The following ADAP1 variants were observed in gnomAD, a reference collection of about 807,000 sequenced individuals.
The protein encoded by ADAP1 is ArfGAP with dual PH domains 1, also known as arf-GAP with dual PH domain-containing protein 1.
Under a neutral mutation model 54.9 loss-of-function variants are expected in ADAP1, and 31 were observed. That is an observed-to-expected ratio of 0.56 (90% CI 0.42 to 0.76). The LOEUF is 0.76. Ranked by LOEUF, ADAP1 falls within the 30% of genes least tolerant of loss-of-function variation. ADAP1 has a pLI of 0.00. For missense variants in ADAP1, 535 were observed against 512.4 expected (o/e 1.04, Z -0.42); for synonymous variants, 313 against 202.6 (o/e 1.55, Z -4.63).
chr7:912,253 G>T (rs532630984), intron 4 of ADAP1, among the ~76,000 whole-genome samples: 3 of 152,138 alleles, frequency 2.0e-5, no homozygotes, highest in Non-Finnish European at 2.9e-5. Flanking sequence ...GCGTCTCAGC[G>T]AGACCAGGGC....
intron 4 of ADAP1, 191 bp from the exon 5 acceptor site, chr7:905,363 A>AGGGAAAGGAGAAAGGGAAAG (rs1845094244): frequency 7.4e-6 from 1 of 135,150 alleles, no homozygotes; most frequent in Non-Finnish European, 1.3e-5. Flanking sequence ...GGGCAGGGAA[A>AGGGAAAGGAGAAAGGGAAAG]GGGAAAGGGA....
intron 4 of ADAP1, among the ~76,000 whole-genome samples, chr7:916,373 C>T (rs755366143): frequency 6.6e-6 from 1 of 152,188 alleles, no homozygotes; most frequent in Non-Finnish European, 1.5e-5. Flanking sequence ...TGCTGACACC[C>T]AGTGAAGTTG....
chr7:919,968 C>T lies in ADAP1; in HGVS notation c.388G>A (p.Gly130Arg). 1 of 1,603,494 alleles carries T rather than the reference C, an allele frequency of 6.2e-7. No homozygotes were observed. The highest frequency in any genetic ancestry group is 8.5e-7 in the Non-Finnish European group (1 of 1,178,782). ...CCCCACCCCACCCGGGTGGCCTCAC[C>T]TGCCGAGTAGGGCTCCTGCTTCTCC... ...YPEKQEPYSA[G>R]YREGFLWKRG... The change falls in exon 4 of 11, where the codon GGG (glycine) becomes AGG (arginine). Residue 130 changes from glycine to arginine, a missense_variant and splice_region_variant. Coordinates refer to ENST00000265846, the MANE Select transcript of ADAP1 (RefSeq NM_006869.4).
chr7:919,660 TAAAG>T (rs1194457248), intron 4 of ADAP1, among the ~76,000 whole-genome samples: 3 of 89,882 alleles, frequency 3.3e-5, no homozygotes, highest in East Asian at 3.3e-4. Context: ...CACAGAGAGA[TAAAG>T]AGAGACAGAA....
chr7:900,883 A>AGGCCGGGCC (rs1554270395), intron 6 of ADAP1: 302 of 393,218 alleles, frequency 7.7e-4, no homozygotes, highest in African/African-American at 3.2e-3. Flanking sequence ...GAAGGGCCGA[A>AGGCCGGGCC]GGGCCGGGCC....
At position 904,153 on chromosome 7, in the gene ADAP1, G is replaced by A. The variant is rs776497998; in HGVS notation, c.621C>T (p.Asn207=). 3.1e-6 allele frequency: 5 copies of A among 1,612,636 alleles called. No homozygotes were observed. Among genetic ancestry groups the A allele is most frequent in the Non-Finnish European group, 4.2e-6 (5 of 1,179,866 alleles). The change falls in exon 6 of 11, where the codon AAC becomes AAT. Residue 207 remains asparagine, a synonymous_variant. Coordinates refer to ENST00000265846, the MANE Select transcript of ADAP1 (RefSeq NM_006869.4). The part of the protein sequence containing the change: ...VTYLKDNSTR[N]IFIYHEDGKE... Reference sequence around the variant, plus strand: ...TCCCGTCCTCATGGTAGATGAAGATGTTACGGGTGCTGTTGTCCTTCAGGT... The same window carrying A: ...TCCCGTCCTCATGGTAGATGAAGATATTACGGGTGCTGTTGTCCTTCAGGT...
At chr7:923,899 T>C (rs1307224890) in intron 3 of ADAP1, among the ~76,000 whole-genome samples, 2 of 152,050 alleles carry the variant, frequency 1.3e-5, no homozygotes, top group South Asian at 2.1e-4. Flanking sequence ...AGAATCTTGG[T>C]GGGGGCAGAC....
rs1289593647 is a variant in ADAP1, at chr7:905,356, CAGGGAAAGGGAAAGGGAAA to C, written c.389-203_389-185del. 3.3e-3 allele frequency: 778 copies of C among 234,678 alleles called. 44 individuals carry two copies. The highest frequency in any genetic ancestry group is 4.8e-3 in the Non-Finnish European group (650 of 136,364). The allele number at this position is 234,678 out of a possible 1,614,324, so 14.5% of individuals were successfully genotyped here. A position where few individuals can be genotyped will look rare whatever the true frequency, so the allele number is the denominator to read the frequency against. The stretch of plus-strand genomic sequence containing the variant: ...GGAGACAGGGAGATAGGAAGATGGG[CAGGGAAAGGGAAAGGGAAA>C]GGAGAAAGGAGAAAGGAGAAAGGAG... On this transcript the variant is annotated intron_variant, in intron 4 of 10. Coordinates refer to ENST00000265846, the MANE Select transcript of ADAP1 (RefSeq NM_006869.4).
chr7:914,858 G>C (rs377140349), intron 4 of ADAP1, among the ~76,000 whole-genome samples: 1 of 152,054 alleles, frequency 6.6e-6, no homozygotes, highest in Non-Finnish European at 1.5e-5. Flanking sequence ...CCAGGCCTTC[G>C]TGCCTACTGA....
At chr7:924,010 C>A (rs1287854645) in intron 3 of ADAP1, among the ~76,000 whole-genome samples, 1 of 151,484 alleles carries the variant, frequency 6.6e-6, no homozygotes, top group African/African-American at 2.4e-5. Context: ...GATGTAGGCA[C>A]CCCCCGCCCT....
chr7:944,209 G>C (rs373750152), intron 1 of ADAP1, among the ~76,000 whole-genome samples: 2 of 150,888 alleles, frequency 1.3e-5, no homozygotes, highest in Non-Finnish European at 1.5e-5. Flanking sequence ...GAGCCACTTC[G>C]CCTAACCAAG....
At chr7:927,661 A>T in intron 2 of ADAP1, 1 of 354,554 alleles carries the variant, frequency 2.8e-6, no homozygotes, top group South Asian at 2.1e-5. Context: ...TGGCTTTTCC[A>T]TAGAAAACTC....
chr7:928,531 C>T (rs932922029), intron 2 of ADAP1, among the ~76,000 whole-genome samples: 4 of 152,206 alleles, frequency 2.6e-5, no homozygotes, highest in African/African-American at 7.2e-5. Context: ...CGTCCCACCT[C>T]GGCCTAAAAA....
At chr7:925,253 G>A (rs1409468105) in intron 3 of ADAP1, among the ~76,000 whole-genome samples, 3 of 151,664 alleles carry the variant, frequency 2.0e-5, no homozygotes, top group East Asian at 3.9e-4. Flanking sequence ...CGGGAGGGCC[G>A]GTTCATGCTG....
intron 1 of ADAP1, among the ~76,000 whole-genome samples, chr7:936,467 C>T (rs1375092442): frequency 6.6e-6 from 1 of 152,242 alleles, no homozygotes; most frequent in Non-Finnish European, 1.5e-5. Flanking sequence ...GCTGGGATGA[C>T]AGGCGTGAGC....
chr7:903,101 T>G (rs1844903583), intron 6 of ADAP1, among the ~76,000 whole-genome samples: 1 of 152,134 alleles, frequency 6.6e-6, no homozygotes, highest in Admixed American at 6.5e-5. Flanking sequence ...AGTCGCAGGC[T>G]CCTGGTGCCC....
Position 935,464 on chromosome 7 carries a change from G to A in ADAP1, c.124C>T (p.Leu42=). The part of the protein sequence containing the change: ...ASYTLGVFIC[L]SCSGIHRNIP... ...TTCCGGTGGATTCCCGAGCAGCTCA[G>A]GCAGATGAAGACGCCCAGAGTGTAG... The change falls in exon 2 of 11, where the codon CTG becomes TTG. Residue 42 remains leucine (L), a synonymous_variant. Coordinates refer to ENST00000265846, the MANE Select transcript of ADAP1 (RefSeq NM_006869.4). 1 of 1,563,144 alleles carries A rather than the reference G, an allele frequency of 6.4e-7. No individual in the cohort carries two copies.
At chr7:914,806 T>C (rs114350402) in intron 4 of ADAP1, among the ~76,000 whole-genome samples, 1,651 of 152,172 alleles carry the variant, frequency 0.011, 29 homozygotes, top group African/African-American at 0.038. Context: ...GCACAGACAG[T>C]CACCGCCTGC....
chr7:948,660 T>C (rs1475991236), intron 1 of ADAP1, among the ~76,000 whole-genome samples: 6 of 152,098 alleles, frequency 3.9e-5, no homozygotes, highest in Non-Finnish European at 8.8e-5. Context: ...CCAGTACTCC[T>C]TCCTGAAAAC....
Sources: allele counts gnomAD v4.1 joint callset (sites outside exome capture counted in the v4.1 genomes callset), GRCh38; gene constraint gnomAD v4.1.1; transcripts MANE v1.5; gene names NCBI Gene and HGNC (gene_info 2026-07-23, HGNC 2026-07-21).